Variants in SHISA9 observed in about 807,000 individuals in gnomAD.
SHISA9 encodes the protein protein shisa-9.
SHISA9 carries 13 observed loss-of-function variants against 38.0 expected under a neutral mutation model. That is an observed-to-expected ratio of 0.34 (90% CI 0.22 to 0.54). The LOEUF is 0.54. SHISA9 is among the 20% of genes least tolerant of loss of function. The probability of loss-of-function intolerance (pLI) is 0.91; values close to 1 mark genes in which losing one functional copy is unlikely to be tolerated. For synonymous variants in SHISA9, 275 were observed against 242.0 expected (o/e 1.14, Z -1.27); for missense variants, 538 against 575.8 (o/e 0.93, Z 0.67).
At chr16:13,484,945 C>T in the SHISA9 span, among the ~76,000 whole-genome samples, 1 of 152,102 alleles carries the variant, frequency 6.6e-6, no homozygotes, top group East Asian at 1.9e-4. Context: ...GGCAGGGACA[C>T]AGAGGCAGAC....
intron 2 of SHISA9, among the ~76,000 whole-genome samples, chr16:13,083,355 C>T (rs184790190): frequency 1.8e-3 from 281 of 152,244 alleles, no homozygotes; most frequent in Non-Finnish European, 3.0e-3. Flanking sequence ...TAGTTGTAGG[C>T]GTTCCATGAG....
chr16:13,532,586 A>T, the SHISA9 span, among the ~76,000 whole-genome samples: 3 of 101,626 alleles, frequency 3.0e-5, no homozygotes, highest in South Asian at 3.0e-4. Context: ...TGTGTGTGTG[A>T]ACGCTAACTA....
the SHISA9 span, among the ~76,000 whole-genome samples, chr16:13,392,070 C>A: frequency 6.6e-6 from 1 of 152,124 alleles, no homozygotes; most frequent in African/African-American, 2.4e-5. Flanking sequence ...TGCAGCAGGG[C>A]AGCTTTCCTA....
chr16:13,527,828 A>G, the SHISA9 span, among the ~76,000 whole-genome samples: 1 of 152,254 alleles, frequency 6.6e-6, no homozygotes, highest in East Asian at 1.9e-4. Flanking sequence ...ATATGACCAT[A>G]TGTAGGATAT....
chr16:13,110,353 C>G (rs987877197), intron 2 of SHISA9, among the ~76,000 whole-genome samples: 1 of 152,196 alleles, frequency 6.6e-6, no homozygotes, highest in African/African-American at 2.4e-5. Context: ...CCAGATGGGA[C>G]AGATGCAGTG....
At chr16:13,401,965 C>G in the SHISA9 span, among the ~76,000 whole-genome samples, 21 of 152,094 alleles carry the variant, frequency 1.4e-4, no homozygotes, top group Non-Finnish European at 2.9e-4. Flanking sequence ...TCCCATATCA[C>G]GAGAACAGCA....
the SHISA9 span, among the ~76,000 whole-genome samples, chr16:13,424,859 T>TCCCAGAATG: frequency 1.3e-5 from 2 of 152,214 alleles, no homozygotes; most frequent in African/African-American, 4.8e-5. Flanking sequence ...TGGCCTATTC[T>TCCCAGAATG]CCCAGAATGG....
chr16:13,077,933 T>G (rs930231548), intron 2 of SHISA9, among the ~76,000 whole-genome samples: 1 of 151,914 alleles, frequency 6.6e-6, no homozygotes, highest in South Asian at 2.1e-4. Flanking sequence ...TATACTATAA[T>G]GATGAAAAAA....
At chr16:13,334,032 C>A in the SHISA9 span, among the ~76,000 whole-genome samples, 1 of 152,214 alleles carries the variant, frequency 6.6e-6, no homozygotes, top group South Asian at 2.1e-4. Flanking sequence ...CATTTGACTT[C>A]CCCATCCATG....
the SHISA9 span, among the ~76,000 whole-genome samples, chr16:13,337,988 T>C: frequency 1.8e-4 from 28 of 152,174 alleles, no homozygotes; most frequent in Non-Finnish European, 4.0e-4. Flanking sequence ...CTTCATAAAT[T>C]ACCCAGTCTC....
intron 2 of SHISA9, among the ~76,000 whole-genome samples, chr16:12,984,446 A>T (rs2072280967): frequency 1.3e-5 from 2 of 152,206 alleles, no homozygotes; most frequent in Admixed American, 1.3e-4. Flanking sequence ...GTGTGAATAA[A>T]GCTGAATATC....
chr16:13,159,150 A>G (rs907749279), intron 2 of SHISA9, among the ~76,000 whole-genome samples: 2 of 152,190 alleles, frequency 1.3e-5, no homozygotes, highest in African/African-American at 2.4e-5. Context: ...ACTGTCAACT[A>G]CAATGTGGAT....
the SHISA9 span, among the ~76,000 whole-genome samples, chr16:13,313,026 C>T: frequency 3.3e-5 from 5 of 151,558 alleles, no homozygotes; most frequent in Non-Finnish European, 7.4e-5. Flanking sequence ...GAGGCCGAGG[C>T]GGGCGGATCA....
intron 2 of SHISA9, 58 bp from the exon 3 acceptor site, chr16:13,203,336 G>A (rs2051024493): frequency 1.4e-6 from 2 of 1,397,646 alleles, no homozygotes; most frequent in Non-Finnish European, 9.3e-7. Flanking sequence ...GTGATGGGAG[G>A]GAAGGTAGAT....
chr16:13,109,333 A>G (rs1315165862), intron 2 of SHISA9, among the ~76,000 whole-genome samples: 3 of 152,124 alleles, frequency 2.0e-5, no homozygotes, highest in Non-Finnish European at 2.9e-5. Flanking sequence ...GCTAAGATCC[A>G]CTTGTGGTCT....
chr16:13,407,640 G>C, the SHISA9 span, among the ~76,000 whole-genome samples: 4 of 152,134 alleles, frequency 2.6e-5, no homozygotes, highest in Non-Finnish European at 5.9e-5. Context: ...AATGTGTCCT[G>C]TCTAAGGGGA....
At chr16:13,554,008 C>T in the SHISA9 span, among the ~76,000 whole-genome samples, 1 of 152,100 alleles carries the variant, frequency 6.6e-6, no homozygotes, top group East Asian at 1.9e-4. Flanking sequence ...TAAAATAGCA[C>T]AAGACCACAA....
chr16:12,960,773 C>T (rs1423124160), intron 2 of SHISA9, among the ~76,000 whole-genome samples: 2 of 152,266 alleles, frequency 1.3e-5, no homozygotes, highest in East Asian at 1.9e-4. Flanking sequence ...CTTCCAGTTC[C>T]GTCCTCTTCC....
At chr16:13,231,052 C>A (rs1207725576) in intron 4 of SHISA9, among the ~76,000 whole-genome samples, 1 of 152,174 alleles carries the variant, frequency 6.6e-6, no homozygotes, top group East Asian at 1.9e-4. Context: ...ACTAAGAATG[C>A]CTTAACCATC....
Sources: allele counts gnomAD v4.1 joint callset (sites outside exome capture counted in the v4.1 genomes callset), GRCh38; gene constraint gnomAD v4.1.1; transcripts MANE v1.5; gene names NCBI Gene and HGNC (gene_info 2026-07-23, HGNC 2026-07-21).